Variants in APP observed in about 807,000 individuals in gnomAD.
APP encodes amyloid-beta precursor protein.
APP carries 31 observed loss-of-function variants against 101.4 expected under a neutral mutation model. The observed-to-expected ratio is 0.31, with a 90% CI of 0.23 to 0.41. The LOEUF is 0.41. APP is among the 10% of genes least tolerant of loss of function. APP has a pLI of 1.00. For synonymous variants in APP, 366 were observed against 364.4 expected, an observed-to-expected ratio of 1.00 and a Z score of -0.05; for missense variants, 839 against 1,003.7, an observed-to-expected ratio of 0.84 and a Z score of 2.22.
chr21:26,059,803 A>C (rs2145989790), intron 3 of APP, among the ~76,000 whole-genome samples: 1 of 149,272 alleles, frequency 6.7e-6, no homozygotes, highest in South Asian at 2.2e-4. Flanking sequence ...AGGCAGGAGA[A>C]TCGCTTGAAC....
chr21:26,116,123 G>C (rs1568993642), intron 1 of APP, among the ~76,000 whole-genome samples: 1 of 152,122 alleles, frequency 6.6e-6, no homozygotes, highest in Non-Finnish European at 1.5e-5. Flanking sequence ...CAGTGTTCCT[G>C]ACAATGAACA....
chr21:25,915,022 T>C lies in APP; in HGVS notation c.1688-3060A>G, dbSNP rs549814895. Among the ~76,000 whole-genome samples, 109 of 152,366 alleles carry C rather than the reference T, an allele frequency of 7.2e-4. 1 individual carries two copies. The highest frequency in any genetic ancestry group is 1.4e-3 in the Non-Finnish European group (92 of 68,024). ...AATCTTAGTTCCTGACACACAAGAA[T>C]GGCTCCCTCTTTGTTTCAGTGGGTC... On this transcript the variant is annotated intron_variant, in intron 13 of 17. Coordinates refer to ENST00000346798, the MANE Select transcript of APP (RefSeq NM_000484.4).
intron 13 of APP, among the ~76,000 whole-genome samples, chr21:25,917,114 A>T (rs942749344): frequency 2.6e-5 from 4 of 152,086 alleles, no homozygotes; most frequent in African/African-American, 9.7e-5. Context: ...TACAAAAATT[A>T]GCCGTGCATG....
intron 5 of APP, among the ~76,000 whole-genome samples, chr21:26,034,536 G>T (rs1202071724): frequency 1.3e-5 from 2 of 151,598 alleles, no homozygotes; most frequent in Non-Finnish European, 2.9e-5. Context: ...CAGTTACTTG[G>T]GAGGCTGAGG....
intron 14 of APP, among the ~76,000 whole-genome samples, chr21:25,908,082 T>C (rs2038881125): frequency 6.6e-6 from 1 of 152,266 alleles, no homozygotes; most frequent in East Asian, 1.9e-4. Context: ...TATGCTGCTC[T>C]TTGTGGCTGC....
intron 9 of APP, among the ~76,000 whole-genome samples, chr21:25,979,657 A>G (rs1411022619): frequency 3.3e-5 from 5 of 152,342 alleles, no homozygotes; most frequent in African/African-American, 1.2e-4. Flanking sequence ...GAACTAAGTC[A>G]CAAGTTACAC....
At chr21:26,099,492 AT>A (rs1276707635) in intron 2 of APP, among the ~76,000 whole-genome samples, 2 of 152,242 alleles carry the variant, frequency 1.3e-5, no homozygotes, top group Non-Finnish European at 2.9e-5. Flanking sequence ...ACTAAAATCG[AT>A]GCCATTTCTA....
At chr21:26,066,643 TA>T (rs559015590) in intron 3 of APP, among the ~76,000 whole-genome samples, 2 of 152,164 alleles carry the variant, frequency 1.3e-5, no homozygotes, top group Non-Finnish European at 2.9e-5. Context: ...TGTGTCCTTT[TA>T]AAAAATAAAA....
At chr21:26,104,970 G>A (rs960901743) in intron 2 of APP, among the ~76,000 whole-genome samples, 8 of 145,758 alleles carry the variant, frequency 5.5e-5, no homozygotes, top group African/African-American at 1.5e-4. Context: ...AAGTGAGAAC[G>A]CAAAGTAAAA....
At chr21:26,133,662 C>T (rs1384503710) in intron 1 of APP, among the ~76,000 whole-genome samples, 1 of 152,074 alleles carries the variant, frequency 6.6e-6, no homozygotes, top group Non-Finnish European at 1.5e-5. Flanking sequence ...ATCCCAGCTA[C>T]TCGGGAGGCT....
intron 17 of APP, among the ~76,000 whole-genome samples, chr21:25,891,270 T>C (rs2037679011): frequency 6.6e-6 from 1 of 152,060 alleles, no homozygotes; most frequent in Non-Finnish European, 1.5e-5. Context: ...TATTTACTAT[T>C]ACCTGGTTGT....
At chr21:25,951,735 C>T (rs924553758) in intron 13 of APP, among the ~76,000 whole-genome samples, 1 of 152,180 alleles carries the variant, frequency 6.6e-6, no homozygotes, top group African/African-American at 2.4e-5. Context: ...AAAAGCAACA[C>T]TTTTTATTAT....
At chr21:26,052,775 G>A (rs1419413389) in intron 4 of APP, among the ~76,000 whole-genome samples, 1 of 152,094 alleles carries the variant, frequency 6.6e-6, no homozygotes, top group Non-Finnish European at 1.5e-5. Flanking sequence ...CAGGGGAAAA[G>A]GCTAAATTAT....
intron 1 of APP, among the ~76,000 whole-genome samples, chr21:26,151,955 A>G (rs1303494349): frequency 6.6e-6 from 1 of 152,068 alleles, no homozygotes; most frequent in Non-Finnish European, 1.5e-5. Context: ...CTTCCAGCCT[A>G]TGTTCAGGCT....
At chr21:26,167,062 C>A (rs973589048) in intron 1 of APP, among the ~76,000 whole-genome samples, 2 of 152,206 alleles carry the variant, frequency 1.3e-5, no homozygotes, top group African/African-American at 4.8e-5. Flanking sequence ...TGGAAATTTA[C>A]TACCAGGAAA....
chr21:26,154,708 G>C (rs555868894), intron 1 of APP, among the ~76,000 whole-genome samples: 10 of 152,158 alleles, frequency 6.6e-5, no homozygotes, highest in African/African-American at 2.4e-4. Context: ...ACAGGGACTG[G>C]GCTCTTGATC....
chr21:26,124,730 C>A (rs2062645931), intron 1 of APP, among the ~76,000 whole-genome samples: 1 of 152,212 alleles, frequency 6.6e-6, no homozygotes. Context: ...AGCAAAACAG[C>A]AAATGCTGAT....
In APP at chr21:25,955,697, T is replaced by C; in HGVS notation, c.1517A>G (p.Gln506Arg). 6.2e-7 allele frequency: 1 copy of C among 1,614,216 alleles called. No homozygotes were observed. The highest frequency in any genetic ancestry group is 8.5e-7 in the Non-Finnish European group (1 of 1,180,036). The stretch of plus-strand genomic sequence containing the variant: ...ATGCTCGAAATGCTTTAGGGTGTGC[T>C]GTCTGTCCTTCTGTTCTGCGCGGAC... The part of the protein sequence containing the change: ...KYVRAEQKDR[Q>R]HTLKHFEHVR... The change falls in exon 12 of 18, where the codon CAG (glutamine) becomes CGG (arginine). Residue 506 changes from glutamine to arginine, a missense_variant. Gln to Arg is a conservative substitution (Grantham distance 43, BLOSUM62 1). Coordinates refer to ENST00000346798, the MANE Select transcript of APP (RefSeq NM_000484.4).
At chr21:26,039,864 GAAT>G (rs1210518259) in intron 5 of APP, among the ~76,000 whole-genome samples, 7 of 150,600 alleles carry the variant, frequency 4.6e-5, no homozygotes, top group Non-Finnish European at 5.9e-5. Context: ...TATATTAAAA[GAAT>G]AATACAAATT....
Sources: allele counts gnomAD v4.1 joint callset (sites outside exome capture counted in the v4.1 genomes callset), GRCh38; gene constraint gnomAD v4.1.1; transcripts MANE v1.5; gene names NCBI Gene and HGNC (gene_info 2026-07-23, HGNC 2026-07-21).